MGST1: variants seen among roughly 807,000 people sequenced by gnomAD.
The protein encoded by MGST1 is glutathione S-transferase 12.
A neutral mutation model predicts 8.9 loss-of-function variants in MGST1; 5 were observed. That is an observed-to-expected ratio of 0.56 (90% CI 0.29 to 1.19). MGST1 has a LOEUF of 1.19. MGST1 is among the 50% of genes most tolerant of loss of function. The pLI, the probability that MGST1 is intolerant of heterozygous loss-of-function variation, is 0.08. For synonymous variants in MGST1, 54 were observed against 67.8 expected, an observed-to-expected ratio of 0.80 and a Z score of 1.00; for missense variants, 182 against 187.4, an observed-to-expected ratio of 0.97 and a Z score of 0.17.
Position 16,363,812 on chromosome 12 carries a change from T to G in MGST1, c.239T>G (p.Leu80Arg). Reference sequence around the variant, plus strand: ...TTCCACAGAGCCCACCTGAATGACCTTGAAAATATTATTCCATTTCTTGGA... The same window carrying G: ...TTCCACAGAGCCCACCTGAATGACCGTGAAAATATTATTCCATTTCTTGGA... ...ERVRRAHLND[L>R]ENIIPFLGIG... The change falls in exon 4 of 4, where the codon CTT becomes CGT. Residue 80 changes from leucine (L) to arginine (R), a missense_variant. Leu to Arg is a moderately radical substitution (Grantham distance 102). Transcript: ENST00000396210. The surrounding 1 kb of genome is among the most constrained non-coding windows in gnomAD (Gnocchi z 4.6). The G allele has an allele frequency of 6.2e-7, 1 of 1,606,068 alleles. No individual in the cohort carries two copies. Among genetic ancestry groups the G allele is most frequent in the Non-Finnish European group, 8.5e-7 (1 of 1,173,440 alleles).
At chr12:16,386,278 G>A (rs971492516) in intron 1 of MGST1, among the ~76,000 whole-genome samples, 5 of 152,102 alleles carry the variant, frequency 3.3e-5, no homozygotes, top group African/African-American at 4.8e-5. Context: ...CTGTACACGC[G>A]GCAAGTTATT....
At chr12:16,443,742 G>A (rs776171659), downstream of MGST1, among the ~76,000 whole-genome samples, 1 of 151,726 alleles carries the variant, frequency 6.6e-6, no homozygotes, top group Non-Finnish European at 1.5e-5. Flanking sequence ...AGTCTCATAT[G>A]TATCCATATA....
chr12:16,373,374 T>C (rs1432040149), intron 3 of MGST1, among the ~76,000 whole-genome samples: 1 of 151,908 alleles, frequency 6.6e-6, no homozygotes, highest in Non-Finnish European at 1.5e-5. Flanking sequence ...TAATAATTTA[T>C]TGTATATTTC....
intron 4 of MGST1, chr12:16,551,018 T>G: frequency 2.1e-6 from 1 of 487,766 alleles, no homozygotes; most frequent in Non-Finnish European, 3.7e-6. Context: ...ACATTACTTT[T>G]TTCTTTAATA....
chr12:16,558,707 T>C (rs1287715865), intron 4 of MGST1, among the ~76,000 whole-genome samples: 1 of 152,144 alleles, frequency 6.6e-6, no homozygotes, highest in Non-Finnish European at 1.5e-5. Context: ...CATTATAAGG[T>C]ACATTAGGCA....
exon 4 of MGST1, chr12:16,376,177 C>A: frequency 9.8e-7 from 1 of 1,019,756 alleles, no homozygotes; most frequent in Non-Finnish European, 1.4e-6. Flanking sequence ...TTTAACTCGG[C>A]ATAACCAATT....
In MGST1 at chr12:16,515,392, C is replaced by T. The variant is rs78932957; in HGVS notation, n.483-74136C>T. On this transcript the variant is annotated intron_variant and non_coding_transcript_variant, in intron 4 of 4. Transcript: ENST00000538857. ...AGAGGCCGAGCACAGTGGCTCATGA[C>T]TAATCCCAGCACTTTGGGTGGGTCA... Among the ~76,000 whole-genome samples the T allele has an allele frequency of 2.9e-3, 444 of 152,234 alleles. 5 individuals are homozygous for T. The highest frequency in any genetic ancestry group is 9.9e-3 in the African/African-American group (412 of 41,552).
At chr12:16,395,327 G>A (rs1159731316) in intron 1 of MGST1, among the ~76,000 whole-genome samples, 1 of 152,026 alleles carries the variant, frequency 6.6e-6, no homozygotes, top group African/African-American at 2.4e-5. Flanking sequence ...GTACTTTTCT[G>A]ACCTCTCTAC....
At chr12:16,463,880 G>A (rs996366008) in intron 4 of MGST1, among the ~76,000 whole-genome samples, 7 of 152,092 alleles carry the variant, frequency 4.6e-5, no homozygotes, top group Non-Finnish European at 1.0e-4. Flanking sequence ...TTACTTTAAC[G>A]TTAAATGCTT....
chr12:16,543,444 T>C (rs984024310), intron 4 of MGST1, among the ~76,000 whole-genome samples: 5 of 152,138 alleles, frequency 3.3e-5, no homozygotes, highest in African/African-American at 1.2e-4. Flanking sequence ...TCATCTGTAA[T>C]TGTTATTATT....
chr12:16,423,909 G>A (rs1940863475), intron 1 of MGST1, among the ~76,000 whole-genome samples: 1 of 152,156 alleles, frequency 6.6e-6, no homozygotes, highest in African/African-American at 2.4e-5. Flanking sequence ...CTTGTTGAGT[G>A]TCGGTGCTCC....
chr12:16,519,964 G>A (rs921373803), intron 4 of MGST1, among the ~76,000 whole-genome samples: 1 of 152,152 alleles, frequency 6.6e-6, no homozygotes, highest in African/African-American at 2.4e-5. Flanking sequence ...TGCCTCTGGT[G>A]AGGAACCATT....
intron 1 of MGST1, among the ~76,000 whole-genome samples, chr12:16,414,053 G>T (rs1940764137): frequency 7.1e-6 from 1 of 141,158 alleles, no homozygotes. Flanking sequence ...GGGACCATCT[G>T]GTTTTATACA....
At chr12:16,487,735 A>T (rs1941409243) in intron 4 of MGST1, among the ~76,000 whole-genome samples, 1 of 152,008 alleles carries the variant, frequency 6.6e-6, no homozygotes, top group Non-Finnish European at 1.5e-5. Context: ...GCAGCCTCAA[A>T]CTCCTGGGCT....
intron 4 of MGST1, among the ~76,000 whole-genome samples, chr12:16,501,667 T>A (rs981143519): frequency 3.9e-5 from 6 of 152,178 alleles, no homozygotes; most frequent in African/African-American, 1.4e-4. Flanking sequence ...AAGGAGGGCA[T>A]TTAGTTTTCT....
intron 4 of MGST1, among the ~76,000 whole-genome samples, chr12:16,473,382 C>T (rs1941300457): frequency 6.6e-6 from 1 of 152,046 alleles, no homozygotes; most frequent in South Asian, 2.1e-4. Flanking sequence ...TAATTCAGCT[C>T]TAAATGAAGA....
chr12:16,447,844 A>G (rs1324857173), intron 4 of MGST1, among the ~76,000 whole-genome samples: 2 of 151,908 alleles, frequency 1.3e-5, no homozygotes, highest in Non-Finnish European at 2.9e-5. Context: ...ATATTTTTCC[A>G]GATTTTCTAG....
At chr12:16,431,197 A>AG (rs1475771129) in intron 1 of MGST1, among the ~76,000 whole-genome samples, 2 of 152,226 alleles carry the variant, frequency 1.3e-5, no homozygotes, top group East Asian at 1.9e-4. Context: ...CTTTGGCTTC[A>AG]GGGGACATTG....
intron 4 of MGST1, among the ~76,000 whole-genome samples, chr12:16,479,328 G>A (rs1291313011): frequency 3.5e-5 from 5 of 142,114 alleles, no homozygotes; most frequent in South Asian, 4.4e-4. Flanking sequence ...TCCGCCTCCC[G>A]GGTTCACGCC....
Sources: allele counts gnomAD v4.1 joint callset (sites outside exome capture counted in the v4.1 genomes callset), GRCh38; gene constraint gnomAD v4.1.1; non-coding constraint Gnocchi (gnomAD v3.1); transcripts MANE v1.5; gene names NCBI Gene and HGNC (gene_info 2026-07-23, HGNC 2026-07-21).